Variants in ENTPD6 observed in about 807,000 individuals in gnomAD.
The protein encoded by ENTPD6 is ectonucleoside triphosphate diphosphohydrolase 6, also known as CD39 antigen-like 2.
In ENTPD6, 46 loss-of-function variants were observed where a neutral mutation model predicts 61.5. That is an observed-to-expected ratio of 0.75 (90% CI 0.59 to 0.96). The LOEUF (loss-of-function observed/expected upper bound fraction) is 0.96, where lower values mean the gene tolerates loss of function less well. Ranked by LOEUF, ENTPD6 falls within the 40% of genes least tolerant of loss-of-function variation. The pLI is 0.00. For missense variants in ENTPD6, 612 were observed against 629.0 expected, an observed-to-expected ratio of 0.97 and a Z score of 0.29; for synonymous variants, 252 against 255.5, an observed-to-expected ratio of 0.99 and a Z score of 0.13.
At position 25,195,882 on chromosome 20, in the gene ENTPD6, G is replaced by A. The variant is rs1032272156; in HGVS notation, c.-16+15G>A. 16 of 1,234,216 alleles carry A rather than the reference G, an allele frequency of 1.3e-5. No homozygotes were observed. Among genetic ancestry groups the A allele is most frequent in the African/African-American group, 1.2e-4 (8 of 64,464 alleles). The allele number at this position is 1,234,216 out of a possible 1,614,324, so 76.5% of individuals were successfully genotyped here. On this transcript the variant is annotated intron_variant, in intron 1 of 14. Coordinates refer to ENST00000376652, the MANE Select transcript of ENTPD6 (RefSeq NM_001247.5). The stretch of plus-strand genomic sequence containing the variant: ...CGCGGTGCATGGTAAGCGGCGGGCC[G>A]GGGCGCTGGCGGGGGCGGCCGGGGA...
rs113151488 is a variant in ENTPD6 at position 25,218,512 on chromosome 20, C to T, written c.879-38C>T. The T allele has an allele frequency of 1.4e-3, 2,221 of 1,571,482 alleles. 29 individuals are homozygous for T. The African/African-American group carries it at 0.024, about 17-fold the overall frequency. ...GTGAGCCTGCCATGACCTGTACCTG[C>T]CATGGCAGCTGCCCTCACTGAGGTG... On this transcript the variant is annotated intron_variant, in intron 9 of 14. Transcript: ENST00000376652.
At chr20:25,203,063 A>AT (rs946151438) in intron 1 of ENTPD6, among the ~76,000 whole-genome samples, 46 of 152,182 alleles carry the variant, frequency 3.0e-4, no homozygotes, top group African/African-American at 1.0e-3. Flanking sequence ...CTGTTGACAG[A>AT]TTTTTTTGTT....
intron 1 of ENTPD6, among the ~76,000 whole-genome samples, chr20:25,196,704 C>A (rs1002561750): frequency 5.3e-5 from 8 of 152,168 alleles, no homozygotes; most frequent in South Asian, 2.1e-4. Flanking sequence ...TGAAACCTCG[C>A]GCAGGAGTTC....
chr20:25,225,447 CA>C, intron 14 of ENTPD6, 51 bp from the exon 15 acceptor site: 1 of 1,587,534 alleles, frequency 6.3e-7, no homozygotes, highest in South Asian at 1.1e-5. Flanking sequence ...TCCTGATGCA[CA>C]AGGCTTTCCT....
rs1347777202 is a variant in ENTPD6, at chr20:25,217,493, C to G, written c.799-9C>G. ...AGCAGGAAACATAGTTACCCTCGTTCTTCTCCAGGGCACCCTGCAGGCCTC... is the reference window on the plus strand; with the variant it reads ...AGCAGGAAACATAGTTACCCTCGTTGTTCTCCAGGGCACCCTGCAGGCCTC... On this transcript the variant is annotated splice_polypyrimidine_tract_variant and intron_variant, in intron 8 of 14. Transcript: ENST00000376652. The G allele has an allele frequency of 6.2e-7, 1 of 1,613,510 alleles. No individual in the cohort carries two copies. Among genetic ancestry groups the G allele is most frequent in the African/African-American group, 1.3e-5 (1 of 74,904 alleles).
Position 25,221,257 on chromosome 20 carries a change from C to A in ENTPD6, c.969C>A (p.Ser323Arg), listed in dbSNP as rs561467673. ...CTAAGGATGGAAAGGAGTTGGTCAG[C>A]CCTTGCTTGTCTCCCAGTTTCAAAG... ...QPAKDGKELV[S>R]PCLSPSFKGE... Residue 323 changes from serine (S) to arginine (R), a missense_variant, in exon 11 of 15, where the codon AGC becomes AGA. Physicochemically the swap from Ser to Arg is moderately radical, Grantham distance 110. Transcript: ENST00000376652. 6.2e-7 allele frequency: 1 copy of A among 1,614,032 alleles called. No individual in the cohort carries two copies. The highest frequency in any genetic ancestry group is 1.3e-5 in the African/African-American group (1 of 75,052).
At chr20:25,215,585 C>G in intron 6 of ENTPD6, 91 bp from the exon 7 acceptor site, 1 of 1,335,944 alleles carries the variant, frequency 7.5e-7, no homozygotes. Flanking sequence ...TTTATGCTCC[C>G]CAGATCTGCA....
intron 1 of ENTPD6, 45 bp from the exon 2 acceptor site, chr20:25,206,477 T>G: frequency 6.8e-7 from 1 of 1,481,476 alleles, no homozygotes; most frequent in Non-Finnish European, 9.4e-7. Flanking sequence ...TAGTAGAATT[T>G]TTGTAGGCTT....
At position 25,209,942 on chromosome 20, in the gene ENTPD6, G is replaced by A. The variant is rs755050693; in HGVS notation, c.453+17G>A. ...GTTGAAAAGGTAAGGATCCTCTCCC[G>A]TGTCTCCCTGTTCAACTGCAGAATG... On this transcript the variant is annotated intron_variant, in intron 4 of 14. Transcript: ENST00000376652. 21 of 1,602,116 alleles carry A rather than the reference G, an allele frequency of 1.3e-5. No individual in the cohort carries two copies. The highest frequency in any genetic ancestry group is 2.2e-5 in the South Asian group (2 of 90,836).
At chr20:25,206,437 A>G (rs34400168) in intron 1 of ENTPD6, 85 bp from the exon 2 acceptor site, 39,502 of 1,059,248 alleles carry the variant, frequency 0.037, 943 homozygotes, top group South Asian at 0.062. Flanking sequence ...ACCAAAAACA[A>G]TGGCACCCAG....
chr20:25,208,963 C>A (rs1162933639), intron 3 of ENTPD6, among the ~76,000 whole-genome samples: 1 of 152,018 alleles, frequency 6.6e-6, no homozygotes, highest in Non-Finnish European at 1.5e-5. Flanking sequence ...GCTGCCCAGG[C>A]TGGAGTACAG....
At chr20:25,213,554 G>A in intron 5 of ENTPD6, 148 bp downstream of exon 5, 1 of 726,248 alleles carries the variant, frequency 1.4e-6, no homozygotes. Flanking sequence ...TAGGTGGAGG[G>A]ATGGTGGGCA....
rs751928097 is a variant in ENTPD6 at position 25,217,525 on chromosome 20, C to T, written c.822C>T (p.Pro274=). 1.6e-5 allele frequency: 26 copies of T among 1,614,034 alleles called. No individual in the cohort carries two copies. In the Middle Eastern group the frequency reaches 4.9e-4, roughly 31 times the overall value. Residue 274 remains proline, a synonymous_variant, in exon 9 of 15, where the codon CCC becomes CCT. Transcript: ENST00000376652. ...AGGGCACCCTGCAGGCCTCCCCACCCGGCTACCTGACGGCACTGCGGATGT... is the reference window on the plus strand; with the variant it reads ...AGGGCACCCTGCAGGCCTCCCCACCTGGCTACCTGACGGCACTGCGGATGT... ...RVEGTLQASP[P]GYLTALRMFN...
rs1443211025 is a variant in ENTPD6 at position 25,222,961 on chromosome 20, C to T, written c.1169C>T (p.Ala390Val). ...YAFSYYYDLA[A>V]GVGLIDAEKG... ...TTCTCCTACTATTACGACCTTGCAG[C>T]TGGTGTGGGCCTCATAGGTAAGGGG... The change falls in exon 12 of 15, where the codon GCT (alanine) becomes GTT (valine). Residue 390 changes from alanine to valine, a missense_variant. Physicochemically the swap from Ala to Val is moderately conservative, Grantham distance 64. Coordinates refer to ENST00000376652, the MANE Select transcript of ENTPD6 (RefSeq NM_001247.5). The T allele has an allele frequency of 3.3e-6, 5 of 1,494,440 alleles. No individual in the cohort carries two copies. Among genetic ancestry groups the T allele is most frequent in the Non-Finnish European group, 4.5e-6 (5 of 1,106,172 alleles). 92.6% of individuals were successfully genotyped at this position (1,494,440 alleles called of 1,614,324 possible). A position where few individuals can be genotyped will look rare whatever the true frequency, so the allele number is the denominator to read the frequency against.
chr20:25,209,577 T>G, intron 3 of ENTPD6, among the ~76,000 whole-genome samples: 1 of 150,010 alleles, frequency 6.7e-6, no homozygotes, highest in Admixed American at 6.6e-5. Context: ...TTATAATAAA[T>G]ATAATCTTTA....
chr20:25,199,022 A>G (rs187494828), intron 1 of ENTPD6, among the ~76,000 whole-genome samples: 82 of 152,066 alleles, frequency 5.4e-4, no homozygotes, highest in African/African-American at 1.8e-3. Context: ...TCTTCCTCCT[A>G]CTGCCCGTTT....
Position 25,221,322 on chromosome 20 carries a change from G to A in ENTPD6, c.1034G>A (p.Gly345Glu). The A allele has an allele frequency of 5.0e-6, 8 of 1,614,074 alleles. No homozygotes were observed. Among genetic ancestry groups the A allele is most frequent in the Non-Finnish European group, 6.8e-6 (8 of 1,179,950 alleles). ...GCAGAAGTCACGTACAGGGTTTCAG[G>A]GCAGAAAGCAGGTACGGGGAGGGTT... ...EHAEVTYRVS[G>E]QKAAASLHEL... Residue 345 changes from glycine (G) to glutamate (E), a missense_variant, in exon 11 of 15, where the codon GGG becomes GAG. Coordinates refer to ENST00000376652, the MANE Select transcript of ENTPD6 (RefSeq NM_001247.5).
Position 25,210,678 on chromosome 20 carries a change from A to C in ENTPD6, c.453+753A>C, listed in dbSNP as rs149546360. ...TATTACAGGCCAGGCACAGTGGCTC[A>C]CGCCTGTAATCCCAGCACTTTGGGA... On this transcript the variant is annotated intron_variant, in intron 4 of 14. Transcript: ENST00000376652. 7.0e-3 allele frequency among the ~76,000 whole-genome samples: 1,068 copies of C among 152,318 alleles called. 9 individuals are homozygous for C. The highest frequency in any genetic ancestry group is 0.023 in the African/African-American group (961 of 41,578).
Position 25,224,105 on chromosome 20 carries a change from G to A in ENTPD6, c.1191G>A (p.Ala397=), listed in dbSNP as rs36118080. The A allele has an allele frequency of 2.0e-4, 325 of 1,611,916 alleles. 1 individual carries two copies. In the African/African-American group the frequency reaches 2.1e-3, roughly 11 times the overall value. Residue 397 remains alanine, a synonymous_variant, in exon 13 of 15, where the codon GCG becomes GCA. Transcript: ENST00000376652. ...TGGGTGTTGTGTCTCCCACAGATGC[G>A]GAGAAGGGAGGCAGCCTGGTGGTGG... ...DLAAGVGLID[A]EKGGSLVVGD...
Sources: allele counts gnomAD v4.1 joint callset (sites outside exome capture counted in the v4.1 genomes callset), GRCh38; gene constraint gnomAD v4.1.1; transcripts MANE v1.5; gene names NCBI Gene and HGNC (gene_info 2026-07-23, HGNC 2026-07-21).